The following CHID1 variants were observed in gnomAD, a reference collection of about 807,000 sequenced individuals.
CHID1 encodes the protein chitinase domain containing 1, also known as chitinase domain-containing protein 1.
CHID1 carries 44 observed loss-of-function variants against 55.4 expected under a neutral mutation model. That is an observed-to-expected ratio of 0.79 (90% CI 0.62 to 1.02). The LOEUF (loss-of-function observed/expected upper bound fraction) is 1.02. Ranked by LOEUF, CHID1 falls within the 50% of genes least tolerant of loss-of-function variation. The pLI is 0.00. For missense variants in CHID1, 491 were observed against 515.3 expected, an observed-to-expected ratio of 0.95 and a Z score of 0.46; for synonymous variants, 216 against 212.9, an observed-to-expected ratio of 1.01 and a Z score of -0.13.
intron 10 of CHID1, among the ~76,000 whole-genome samples, chr11:871,335 G>A (rs1589813405): frequency 6.6e-6 from 1 of 152,150 alleles, no homozygotes; most frequent in Admixed American, 6.5e-5. Context: ...CTTGAACAAT[G>A]ACCACCCCAT....
At chr11:885,081 G>C (rs1165419094) in intron 8 of CHID1, among the ~76,000 whole-genome samples, 4 of 152,246 alleles carry the variant, frequency 2.6e-5, no homozygotes, top group Admixed American at 1.3e-4. Flanking sequence ...AACAGCATGG[G>C]GGACGCGGCC....
At chr11:894,518 G>A (rs563925319) in intron 7 of CHID1, among the ~76,000 whole-genome samples, 2 of 152,324 alleles carry the variant, frequency 1.3e-5, no homozygotes, top group Admixed American at 6.5e-5. Flanking sequence ...TGCAAAGCTG[G>A]GTTTCAGGGT....
chr11:896,354 C>G (rs1356072775), intron 7 of CHID1, among the ~76,000 whole-genome samples: 1 of 135,124 alleles, frequency 7.4e-6, no homozygotes, highest in East Asian at 2.3e-4. Context: ...TGTCTCAGCA[C>G]CCCCAGCCTC....
At chr11:903,530 C>G in intron 2 of CHID1, 1 of 220,890 alleles carries the variant, frequency 4.5e-6, no homozygotes, top group South Asian at 6.1e-5. Context: ...CCTGTAATCC[C>G]AGAACTTTGG....
Position 902,946 on chromosome 11 carries a change from G to A in CHID1, c.261+16C>T, listed in dbSNP as rs1264542328. 1.9e-6 allele frequency: 3 copies of A among 1,611,570 alleles called. No homozygotes were observed. Among genetic ancestry groups the A allele is most frequent in the African/African-American group, 2.7e-5 (2 of 74,902 alleles). ...GCCTCAGGACCTCCCTCTGCACTGT[G>A]AGGGCCCCAACTTACTGGAGTGACA... On this transcript the variant is annotated intron_variant, in intron 3 of 12. Transcript: ENST00000323578.
At chr11:914,581 C>T, upstream of CHID1, 1 of 1,289,414 alleles carries the variant, frequency 7.8e-7, no homozygotes, top group Non-Finnish European at 1.0e-6. Flanking sequence ...CTCAAAAGCA[C>T]TCGAAGGCTG....
chr11:897,935 A>AACAGG, intron 7 of CHID1, among the ~76,000 whole-genome samples: 1 of 152,200 alleles, frequency 6.6e-6, no homozygotes, highest in African/African-American at 2.4e-5. Flanking sequence ...GACACCAGGA[A>AACAGG]ACAGGACTCC....
intron 9 of CHID1, among the ~76,000 whole-genome samples, chr11:883,592 G>A (rs7106881): frequency 0.54 from 82,735 of 152,038 alleles, 23,080 homozygotes; most frequent in South Asian, 0.77. Flanking sequence ...TCAGCAGAGC[G>A]GGCCCATGAG....
At chr11:894,621 G>A (rs1049192290) in intron 7 of CHID1, among the ~76,000 whole-genome samples, 5 of 152,206 alleles carry the variant, frequency 3.3e-5, no homozygotes, top group African/African-American at 1.2e-4. Flanking sequence ...CCCATCTGGG[G>A]AGGAGACCCA....
chr11:868,028 C>G lies in CHID1; in HGVS notation c.*1830G>C, dbSNP rs1269801001. On this transcript the variant is annotated 3_prime_UTR_variant, in exon 13 of 13. Transcript: ENST00000323578. ...TTCCAGCTAATTCCTGCCCCACCCT[C>G]TGCCCATCCCCCCGGGAGACACAGC... is the stretch of plus-strand genomic sequence containing the variant. The G allele has an allele frequency of 3.3e-5, 5 of 152,120 alleles. No individual in the cohort carries two copies. Among genetic ancestry groups the G allele is most frequent in the African/African-American group, 1.2e-4 (5 of 41,386 alleles). 9.4% of individuals were successfully genotyped at this position (152,120 alleles called of 1,614,324 possible). A position where few individuals can be genotyped will look rare whatever the true frequency, so the allele number is the denominator to read the frequency against.
intron 6 of CHID1, 136 bp from the exon 7 acceptor site, chr11:899,537 T>C: frequency 1.3e-6 from 1 of 758,400 alleles, no homozygotes; most frequent in South Asian, 1.6e-5. Flanking sequence ...AAGCCTGGGC[T>C]GTATGCCCAG....
intron 10 of CHID1, among the ~76,000 whole-genome samples, chr11:877,509 G>A (rs768419603): frequency 6.6e-6 from 1 of 152,202 alleles, no homozygotes; most frequent in Non-Finnish European, 1.5e-5. Flanking sequence ...GCCCCACAAA[G>A]TGCTGGGATT....
At chr11:870,202 G>A in intron 11 of CHID1, 39 bp from the exon 12 acceptor site, 1 of 1,612,686 alleles carries the variant, frequency 6.2e-7, no homozygotes, top group Non-Finnish European at 8.5e-7. Flanking sequence ...CCGCTCTGCT[G>A]GTTCCAGGCC....
rs893719722 is a variant in CHID1, at chr11:883,172, G to A, written c.935C>T (p.Ala312Val). 1.2e-6 allele frequency: 2 copies of A among 1,612,814 alleles called. No homozygotes were observed. The highest frequency in any genetic ancestry group is 2.2e-5 in the East Asian group (1 of 44,836). The change falls in exon 10 of 13, where the codon GCC becomes GTC. Residue 312 changes from alanine to valine, a missense_variant. By Grantham distance (64) the Ala-to-Val change is moderately conservative (BLOSUM62 0). Transcript: ENST00000323578. Reference protein sequence around the residue: ...YGMDYATSKDAREPVVGARYI... With the variant: ...YGMDYATSKDVREPVVGARYI... ...CCTGGCCCCGACAACAGGCTCACGG[G>A]CATCCTTGGAGGTCGCGTAGTCCAT...
chr11:883,274 A>C lies in CHID1; in HGVS notation c.833T>G (p.Val278Gly). ...GTCCAGGACCTGGACGCAGGCTCGA[A>C]CCCAGGACAGGGGTGCATTAGGGCC... Reference protein sequence around the residue: ...QPGPNAPLSWVRACVQVLDPK... With the variant: ...QPGPNAPLSWGRACVQVLDPK... Residue 278 changes from valine (V) to glycine (G), a missense_variant, in exon 10 of 13, where the codon GTT becomes GGT. Val to Gly is a moderately radical substitution (Grantham distance 109). Transcript: ENST00000323578. 6.2e-7 allele frequency: 1 copy of C among 1,614,000 alleles called. No individual in the cohort carries two copies. The highest frequency in any genetic ancestry group is 8.5e-7 in the Non-Finnish European group (1 of 1,179,946).
At position 900,043 on chromosome 11, in the gene CHID1, C is replaced by G; in HGVS notation, c.507G>C (p.Glu169Asp). ...DFRNVLDSED[E>D]IEELSKTVVQ... ...CCACGGTCTTGCTCAGCTCCTCTAT[C>G]TCATCCTCACTGTCTAAGACGTTCC... The change falls in exon 6 of 13, where the codon GAG (glutamate) becomes GAC (aspartate). Residue 169 changes from glutamate (E) to aspartate (D), a missense_variant. Coordinates refer to ENST00000323578, the MANE Select transcript of CHID1 (RefSeq NM_023947.4). 2.5e-6 allele frequency: 4 copies of G among 1,614,130 alleles called. No individual in the cohort carries two copies. The highest frequency in any genetic ancestry group is 3.4e-6 in the Non-Finnish European group (4 of 1,179,996).
chr11:873,859 C>T (rs1305410049), intron 10 of CHID1, among the ~76,000 whole-genome samples: 2 of 152,066 alleles, frequency 1.3e-5, no homozygotes, highest in Admixed American at 1.3e-4. Flanking sequence ...TCAAAAACAG[C>T]TGCAAGGCCT....
Position 893,110 on chromosome 11 carries a change from C to T in CHID1, c.701+317G>A, listed in dbSNP as rs142150329. Among the ~76,000 whole-genome samples, 409 of 152,298 alleles carry T rather than the reference C, an allele frequency of 2.7e-3. 1 individual carries two copies. Among genetic ancestry groups the T allele is most frequent in the Middle Eastern group, 0.014 (4 of 294 alleles). ...CCTGAGGGGCTGCCCTGGGCAGAACCCTGGGACTTCTGCCTCGACACCCTG... is the reference window on the plus strand; with the variant it reads ...CCTGAGGGGCTGCCCTGGGCAGAACTCTGGGACTTCTGCCTCGACACCCTG... On this transcript the variant is annotated intron_variant, in intron 8 of 12. Coordinates refer to ENST00000323578, the MANE Select transcript of CHID1 (RefSeq NM_023947.4).
chr11:906,677 T>C (rs1852241306), intron 1 of CHID1, among the ~76,000 whole-genome samples: 1 of 151,378 alleles, frequency 6.6e-6, no homozygotes, highest in African/African-American at 2.4e-5. Context: ...AGAAAGCATG[T>C]AGGGAGGGGT....
Sources: allele counts gnomAD v4.1 joint callset (sites outside exome capture counted in the v4.1 genomes callset), GRCh38; gene constraint gnomAD v4.1.1; transcripts MANE v1.5; gene names NCBI Gene and HGNC (gene_info 2026-07-23, HGNC 2026-07-21).